The following CREBRF variants were observed in gnomAD, a reference collection of about 807,000 sequenced individuals.
The protein encoded by CREBRF is CREB3 regulatory factor.
Under a neutral mutation model 66.1 loss-of-function variants are expected in CREBRF, and 5 were observed. The ratio of observed to expected loss-of-function variants is 0.08; its 90% CI spans 0.04 to 0.16. The LOEUF (loss-of-function observed/expected upper bound fraction) is 0.16, where lower values mean the gene tolerates loss of function less well. Ranked by LOEUF, CREBRF falls within the 10% of genes least tolerant of loss-of-function variation. The pLI is 1.00. For missense variants in CREBRF, 531 were observed against 744.9 expected (o/e 0.71, Z 3.34); for synonymous variants, 229 against 264.4 (o/e 0.87, Z 1.30).
intron 4 of CREBRF, among the ~76,000 whole-genome samples, chr5:173,103,719 A>G (rs924963370): frequency 5.3e-5 from 8 of 152,314 alleles, no homozygotes; most frequent in Non-Finnish European, 1.0e-4. Flanking sequence ...ACAGGCTACA[A>G]CTGTTTGGGG....
At position 173,130,722 on chromosome 5, in the gene CREBRF, A is replaced by T. The variant is rs549188343; in HGVS notation, c.1805-2908A>T. 1.8e-3 allele frequency among the ~76,000 whole-genome samples: 274 copies of T among 151,400 alleles called. 1 individual carries two copies. Among genetic ancestry groups the T allele is most frequent in the Non-Finnish European group, 2.1e-3 (144 of 67,840 alleles). ...TATTTTTATTTTTATTTTTATTTTTATTTTTGAAATGGAGTCTCACTCTGT... is the reference window on the plus strand; with the variant it reads ...TATTTTTATTTTTATTTTTATTTTTTTTTTTGAAATGGAGTCTCACTCTGT... On this transcript the variant is annotated intron_variant, in intron 8 of 8. Transcript: ENST00000296953.
At chr5:173,131,363 C>T (rs1356496534) in intron 8 of CREBRF, among the ~76,000 whole-genome samples, 1 of 152,104 alleles carries the variant, frequency 6.6e-6, no homozygotes, top group Non-Finnish European at 1.5e-5. Context: ...ATCCATTTTC[C>T]CAGTTGTCTC....
chr5:173,085,334 T>A lies in CREBRF; in HGVS notation c.10-1167T>A, dbSNP rs931346673. 5.8e-6 allele frequency: 7 copies of A among 1,207,276 alleles called. No homozygotes were observed. In the African/African-American group the frequency reaches 6.1e-5, roughly 10 times the overall value. The allele number at this position is 1,207,276 out of a possible 1,614,324, so 74.8% of individuals were successfully genotyped here. ...ATGCAGAAAGGGCTCTGGAGAGATG[T>A]TCATAGCAGCACACACCTGCGGCTC... On this transcript the variant is annotated intron_variant, in intron 2 of 8. Coordinates refer to ENST00000296953, the MANE Select transcript of CREBRF (RefSeq NM_153607.3).
intron 1 of CREBRF, among the ~76,000 whole-genome samples, chr5:173,068,637 C>G (rs1207066514): frequency 1.3e-5 from 2 of 150,986 alleles, no homozygotes; most frequent in Admixed American, 1.3e-4. Context: ...TCCAGAGATT[C>G]TTTTGCTGAT....
intron 2 of CREBRF, among the ~76,000 whole-genome samples, chr5:173,081,167 G>A (rs1248293783): frequency 6.6e-6 from 1 of 152,170 alleles, no homozygotes; most frequent in Non-Finnish European, 1.5e-5. Flanking sequence ...GTAATTAAGA[G>A]GAAATAGTGA....
intron 4 of CREBRF, among the ~76,000 whole-genome samples, chr5:173,097,612 C>A (rs7703467): frequency 0.03 from 4,537 of 152,076 alleles, 213 homozygotes; most frequent in African/African-American, 0.1. Flanking sequence ...CTATTTTTTT[C>A]ATGATTCAGT....
At chr5:173,059,544 G>T (rs781720863) in intron 1 of CREBRF, among the ~76,000 whole-genome samples, 1 of 152,140 alleles carries the variant, frequency 6.6e-6, no homozygotes, top group Admixed American at 6.5e-5. Flanking sequence ...GATTACAGGC[G>T]TGAGCCACCG....
intron 4 of CREBRF, among the ~76,000 whole-genome samples, chr5:173,098,943 T>C (rs1758545845): frequency 6.6e-6 from 1 of 151,346 alleles, no homozygotes; most frequent in Non-Finnish European, 1.5e-5. Flanking sequence ...GCACCAGTAC[T>C]ATCACAGCTC....
At chr5:173,100,979 C>T (rs1271001249) in intron 4 of CREBRF, among the ~76,000 whole-genome samples, 1 of 152,142 alleles carries the variant, frequency 6.6e-6, no homozygotes, top group Non-Finnish European at 1.5e-5. Context: ...CATCATCATG[C>T]CCAACTTAGG....
rs140105715 is a variant in CREBRF at position 173,112,443 on chromosome 5, C to T, written c.1681+64C>T. 5.7e-4 allele frequency: 675 copies of T among 1,177,744 alleles called. 3 individuals are homozygous for T. In the African/African-American group the frequency reaches 9.8e-3, roughly 17 times the overall value. The allele number at this position is 1,177,744 out of a possible 1,614,324, so 73.0% of individuals were successfully genotyped here. A position where few individuals can be genotyped will look rare whatever the true frequency, so the allele number is the denominator to read the frequency against. ...TGATTTGCTGACCACTCTCTCTTTT[C>T]TTTGGTTTGTGATTTGCTTTCGCTG... is the stretch of plus-strand genomic sequence containing the variant. On this transcript the variant is annotated intron_variant, in intron 7 of 8. Coordinates refer to ENST00000296953, the MANE Select transcript of CREBRF (RefSeq NM_153607.3).
At chr5:173,092,767 T>C (rs967016595) in intron 4 of CREBRF, among the ~76,000 whole-genome samples, 1 of 152,204 alleles carries the variant, frequency 6.6e-6, no homozygotes, top group Admixed American at 6.5e-5. Flanking sequence ...GTGAAATCTT[T>C]CTATTACACA....
intron 7 of CREBRF, among the ~76,000 whole-genome samples, chr5:173,118,451 T>A (rs1342872997): frequency 6.6e-6 from 1 of 152,258 alleles, no homozygotes; most frequent in Non-Finnish European, 1.5e-5. Context: ...CTTGTATTTT[T>A]TTTTTCTTAG....
intron 6 of CREBRF, among the ~76,000 whole-genome samples, chr5:173,111,086 C>T (rs1339072070): frequency 6.6e-6 from 1 of 152,080 alleles, no homozygotes; most frequent in African/African-American, 2.4e-5. Context: ...CAACCACCAC[C>T]ACAATCAAGA....
intron 1 of CREBRF, among the ~76,000 whole-genome samples, chr5:173,065,896 C>T (rs1163810140): frequency 6.6e-6 from 1 of 152,060 alleles, no homozygotes; most frequent in Non-Finnish European, 1.5e-5. Context: ...CTTGGCGTCC[C>T]AAAATGTGCG....
At chr5:173,066,285 T>A (rs1190287013) in intron 1 of CREBRF, among the ~76,000 whole-genome samples, 4 of 152,228 alleles carry the variant, frequency 2.6e-5, no homozygotes, top group Non-Finnish European at 5.9e-5. Context: ...TATGAAACAT[T>A]TTCCTTTGTA....
intron 8 of CREBRF, among the ~76,000 whole-genome samples, chr5:173,129,960 G>A (rs1759377249): frequency 6.6e-6 from 1 of 151,952 alleles, no homozygotes; most frequent in African/African-American, 2.4e-5. Context: ...TGAGTAGCTG[G>A]GATTACAGGC....
intron 7 of CREBRF, among the ~76,000 whole-genome samples, chr5:173,121,601 T>G (rs1357542733): frequency 6.6e-6 from 1 of 152,116 alleles, no homozygotes; most frequent in East Asian, 1.9e-4. Context: ...GGATTACAGG[T>G]GTGAGCCACC....
chr5:173,093,096 GTTGCT>G (rs1441481676), intron 4 of CREBRF, among the ~76,000 whole-genome samples: 1 of 152,138 alleles, frequency 6.6e-6, no homozygotes, highest in Non-Finnish European at 1.5e-5. Flanking sequence ...GATTGGTCCT[GTTGCT>G]TTGAGTCTCG....
chr5:173,108,849 G>A, intron 5 of CREBRF, 31 bp downstream of exon 5: 1 of 1,585,364 alleles, frequency 6.3e-7, no homozygotes, highest in Non-Finnish European at 8.6e-7. Flanking sequence ...GATATTTAGT[G>A]TCACTTTAAT....
Sources: allele counts gnomAD v4.1 joint callset (sites outside exome capture counted in the v4.1 genomes callset), GRCh38; gene constraint gnomAD v4.1.1; transcripts MANE v1.5; gene names NCBI Gene and HGNC (gene_info 2026-07-23, HGNC 2026-07-21).